CDH4: variants seen among roughly 807,000 people sequenced by gnomAD.
CDH4 encodes the protein cadherin 4, also known as cadherin-4.
A neutral mutation model predicts 86.0 loss-of-function variants in CDH4; 33 were observed. The observed-to-expected ratio is 0.38, with a 90% CI of 0.29 to 0.51. The LOEUF is 0.51. CDH4 is among the 20% of genes least tolerant of loss of function. CDH4 has a pLI of 0.86. For missense variants in CDH4, 1,114 were observed against 1,307.4 expected (o/e 0.85, Z 2.28); for synonymous variants, 555 against 549.4 (o/e 1.01, Z -0.14).
chr20:61,713,857 C>T (rs2145902162), intron 2 of CDH4, among the ~76,000 whole-genome samples: 1 of 152,254 alleles, frequency 6.6e-6, no homozygotes, highest in African/African-American at 2.4e-5. Context: ...CCAGTGACAC[C>T]TTCTCATCAA....
chr20:61,282,919 TAC>T (rs2084268941), intron 2 of CDH4, among the ~76,000 whole-genome samples: 1 of 150,634 alleles, frequency 6.6e-6, no homozygotes, highest in Non-Finnish European at 1.5e-5. Flanking sequence ...GTGTGTGATG[TAC>T]GTGCATTTGC....
At chr20:61,261,058 G>T (rs2123120766) in intron 2 of CDH4, among the ~76,000 whole-genome samples, 1 of 152,316 alleles carries the variant, frequency 6.6e-6, no homozygotes, top group African/African-American at 2.4e-5. Context: ...GCCCCTGTGT[G>T]CAGCTGCTTC....
intron 3 of CDH4, among the ~76,000 whole-genome samples, chr20:61,755,838 G>A (rs1359351887): frequency 6.6e-6 from 1 of 152,044 alleles, no homozygotes; most frequent in African/African-American, 2.4e-5. Context: ...ACACACGTGC[G>A]GCTACATGAA....
chr20:61,296,916 T>C (rs1228619021), intron 2 of CDH4, among the ~76,000 whole-genome samples: 1 of 152,162 alleles, frequency 6.6e-6, no homozygotes, highest in African/African-American at 2.4e-5. Flanking sequence ...TTTAAGTCTC[T>C]TCATAGTGGT....
At chr20:61,778,835 G>T (rs1273484233) in intron 4 of CDH4, among the ~76,000 whole-genome samples, 1 of 152,210 alleles carries the variant, frequency 6.6e-6, no homozygotes, top group Non-Finnish European at 1.5e-5. Flanking sequence ...TAAAAGGTTA[G>T]CAGGACGCCC....
intron 4 of CDH4, among the ~76,000 whole-genome samples, chr20:61,840,158 C>T (rs1220135816): frequency 6.6e-6 from 1 of 152,212 alleles, no homozygotes; most frequent in Non-Finnish European, 1.5e-5. Context: ...CTGAGAGTGT[C>T]TGTGTCCGTC....
At chr20:61,753,458 G>C (rs2088523018) in intron 3 of CDH4, among the ~76,000 whole-genome samples, 1 of 152,224 alleles carries the variant, frequency 6.6e-6, no homozygotes, top group African/African-American at 2.4e-5. Context: ...GGCAGTGCTG[G>C]AATCTGGAAG....
At chr20:61,834,816 C>T (rs1392104864) in intron 4 of CDH4, among the ~76,000 whole-genome samples, 1 of 152,190 alleles carries the variant, frequency 6.6e-6, no homozygotes, top group Non-Finnish European at 1.5e-5. Flanking sequence ...ATTCCTAGCC[C>T]GAGTCAGAAG....
chr20:61,773,312 A>G, intron 4 of CDH4, 130 bp downstream of exon 4: 1 of 885,924 alleles, frequency 1.1e-6, no homozygotes, highest in Non-Finnish European at 1.7e-6. Context: ...CCCTTTCTGT[A>G]ATGAGATAAG....
intron 2 of CDH4, among the ~76,000 whole-genome samples, chr20:61,470,512 A>G (rs184499012): frequency 4.6e-5 from 7 of 152,024 alleles, no homozygotes; most frequent in Non-Finnish European, 1.0e-4. Flanking sequence ...TTCCTTTTCA[A>G]TTTGGTTGCT....
At chr20:61,859,170 T>C (rs1482256464) in intron 6 of CDH4, among the ~76,000 whole-genome samples, 3 of 152,226 alleles carry the variant, frequency 2.0e-5, no homozygotes, top group Admixed American at 2.0e-4. Flanking sequence ...GCTGAGTGTC[T>C]TTTCCTGTGT....
chr20:61,592,260 CCACTTCTACTT>C (rs1339316301), intron 2 of CDH4, among the ~76,000 whole-genome samples: 1 of 152,044 alleles, frequency 6.6e-6, no homozygotes, highest in Non-Finnish European at 1.5e-5. Context: ...ATTGATTTCA[CCACTTCTACTT>C]CACTAAGAAC....
intron 2 of CDH4, among the ~76,000 whole-genome samples, chr20:61,734,832 GCA>G (rs1208732367): frequency 1.3e-5 from 2 of 152,214 alleles, no homozygotes; most frequent in African/African-American, 4.8e-5. Context: ...CACAAAGCGC[GCA>G]CAGTCACACG....
At chr20:61,299,628 G>A (rs1379098221) in intron 2 of CDH4, among the ~76,000 whole-genome samples, 1 of 152,176 alleles carries the variant, frequency 6.6e-6, no homozygotes, top group African/African-American at 2.4e-5. Flanking sequence ...AGCTTGCCTT[G>A]TGGATGGAGG....
chr20:61,488,200 G>A (rs1176296592), intron 2 of CDH4, among the ~76,000 whole-genome samples: 1 of 152,166 alleles, frequency 6.6e-6, no homozygotes, highest in Non-Finnish European at 1.5e-5. Flanking sequence ...CTATTATTCT[G>A]CCCTCCAAAA....
chr20:61,897,327 C>A (rs1265737787), intron 8 of CDH4, among the ~76,000 whole-genome samples: 1 of 152,008 alleles, frequency 6.6e-6, no homozygotes, highest in African/African-American at 2.4e-5. Flanking sequence ...CCCCTCATCT[C>A]TGGTCCCCAT....
chr20:61,805,174 C>T (rs1980058962), intron 4 of CDH4, among the ~76,000 whole-genome samples: 1 of 152,208 alleles, frequency 6.6e-6, no homozygotes, highest in African/African-American at 2.4e-5. Flanking sequence ...GCTGAGAAGA[C>T]TCTAGGCTCT....
At chr20:61,823,547 C>T (rs1436361145) in intron 4 of CDH4, among the ~76,000 whole-genome samples, 1 of 151,896 alleles carries the variant, frequency 6.6e-6, no homozygotes, top group African/African-American at 2.4e-5. Context: ...GGTGTCATAC[C>T]CACTTTATAG....
intron 2 of CDH4, among the ~76,000 whole-genome samples, chr20:61,404,130 GTGCAGCTGAGCTGC>G (rs545433391): frequency 0.016 from 2,305 of 141,194 alleles, 55 homozygotes; most frequent in African/African-American, 0.055. Flanking sequence ...AGCTGAGCTG[GTGCAGCTGAGCTGC>G]TACAGCCAGG....
Sources: gnomAD v4.1 joint callset for allele counts (sites outside exome capture counted in the v4.1 genomes callset) on GRCh38, gnomAD v4.1.1 for gene constraint, MANE v1.5 for transcripts, NCBI Gene and HGNC (gene_info 2026-07-23, HGNC 2026-07-21) for gene names.